IL1RAPL2: variants seen among roughly 807,000 people sequenced by gnomAD.
IL1RAPL2 encodes interleukin 1 receptor accessory protein like 2.
Under a neutral mutation model 44.1 loss-of-function variants are expected in IL1RAPL2, and 3 were observed. That is an observed-to-expected ratio of 0.07 (90% CI 0.03 to 0.18). The LOEUF (loss-of-function observed/expected upper bound fraction) is 0.18, where lower values mean the gene tolerates loss of function less well. Among genes scored for constraint, IL1RAPL2 ranks in the 10% least tolerant of loss-of-function variants. IL1RAPL2 has a pLI of 1.00. For missense variants in IL1RAPL2, 391 were observed against 496.4 expected, an observed-to-expected ratio of 0.79 and a Z score of 2.02; for synonymous variants, 181 against 178.8, an observed-to-expected ratio of 1.01 and a Z score of -0.10.
intron 6 of IL1RAPL2, among the ~76,000 whole-genome samples, chrX:105,648,079 G>A (rs2037618913): frequency 8.9e-6 from 1 of 111,797 alleles, no homozygotes; most frequent in African/African-American, 3.3e-5. Context: ...GAAGAATTAT[G>A]ATAATGTAGG....
At chrX:104,768,390 C>T (rs1406030659) in intron 2 of IL1RAPL2, among the ~76,000 whole-genome samples, 1 of 111,487 alleles carries the variant, frequency 9.0e-6, no homozygotes, top group Non-Finnish European at 1.9e-5. Flanking sequence ...ATGCCTCTCC[C>T]CTATAGTAAT....
At chrX:104,972,785 A>T (rs1451308625) in intron 2 of IL1RAPL2, among the ~76,000 whole-genome samples, 3 of 111,847 alleles carry the variant, frequency 2.7e-5, no homozygotes, top group Non-Finnish European at 5.6e-5. Context: ...AAAGCAATAG[A>T]AAAGAAACAT....
At chrX:105,635,843 T>A (rs1427566757) in intron 6 of IL1RAPL2, among the ~76,000 whole-genome samples, 2 of 111,526 alleles carry the variant, frequency 1.8e-5, no homozygotes, top group African/African-American at 6.5e-5. Context: ...GAGAGGTTTT[T>A]GGCAGAGTAA....
At chrX:104,754,930 C>G (rs1273023150) in intron 2 of IL1RAPL2, among the ~76,000 whole-genome samples, 1 of 111,314 alleles carries the variant, frequency 9.0e-6, no homozygotes, top group Non-Finnish European at 1.9e-5. Context: ...AAGGCCAGAC[C>G]AAGCTGCAGA....
chrX:104,811,185 AG>A (rs1439831206), intron 2 of IL1RAPL2, among the ~76,000 whole-genome samples: 1 of 111,619 alleles, frequency 9.0e-6, no homozygotes, highest in East Asian at 2.8e-4. Flanking sequence ...GAAAAGTAAC[AG>A]AAAAAAAACC....
intron 7 of IL1RAPL2, among the ~76,000 whole-genome samples, chrX:105,731,944 GGACTT>G (rs1341449367): frequency 9.0e-6 from 1 of 111,266 alleles, no homozygotes; most frequent in African/African-American, 3.3e-5. Flanking sequence ...CTGAAAGTGA[GGACTT>G]GAAATATTCT....
chrX:105,669,583 G>A (rs1314294439), intron 6 of IL1RAPL2, among the ~76,000 whole-genome samples: 1 of 111,407 alleles, frequency 9.0e-6, no homozygotes, highest in Non-Finnish European at 1.9e-5. Context: ...ACATGCAGGT[G>A]TAATAAATAA....
intron 6 of IL1RAPL2, among the ~76,000 whole-genome samples, chrX:105,587,910 A>T (rs906722087): frequency 1.8e-5 from 2 of 110,729 alleles, no homozygotes; most frequent in Non-Finnish European, 3.8e-5. Flanking sequence ...ACAGTGGCGC[A>T]TGCCTGTAGT....
intron 2 of IL1RAPL2, among the ~76,000 whole-genome samples, chrX:104,945,418 C>A (rs1925317537): frequency 9.0e-6 from 1 of 110,739 alleles, no homozygotes; most frequent in Non-Finnish European, 1.9e-5. Context: ...TACATTTTTG[C>A]AAAGGTTTCA....
At chrX:105,716,423 A>C (rs1417806297) in intron 6 of IL1RAPL2, among the ~76,000 whole-genome samples, 1 of 111,765 alleles carries the variant, frequency 8.9e-6, no homozygotes, top group Non-Finnish European at 1.9e-5. Flanking sequence ...CCAAGAAAAG[A>C]GCAGTCATTT....
At chrX:104,897,067 A>C (rs190481869) in intron 2 of IL1RAPL2, among the ~76,000 whole-genome samples, 7 of 112,094 alleles carry the variant, frequency 6.2e-5, no homozygotes, top group African/African-American at 1.9e-4. Flanking sequence ...ATGAGAGTCC[A>C]CAGCTTCGTT....
chrX:105,519,633 T>A (rs1009195794), intron 6 of IL1RAPL2, among the ~76,000 whole-genome samples: 1 of 111,072 alleles, frequency 9.0e-6, no homozygotes. Context: ...AATGAAACCA[T>A]TGGTTTGGGT....
intron 7 of IL1RAPL2, among the ~76,000 whole-genome samples, chrX:105,721,946 C>T (rs968225746): frequency 1.8e-5 from 2 of 112,283 alleles, no homozygotes; most frequent in Non-Finnish European, 3.8e-5. Context: ...GCACATACCA[C>T]CATGCCTGGC....
At chrX:105,404,515 G>C (rs1339536051) in intron 5 of IL1RAPL2, among the ~76,000 whole-genome samples, 2 of 111,394 alleles carry the variant, frequency 1.8e-5, no homozygotes, top group Non-Finnish European at 3.8e-5. Context: ...GAAATTTTCT[G>C]TTCTCCCTCC....
At chrX:105,026,363 G>A (rs181038074) in intron 2 of IL1RAPL2, among the ~76,000 whole-genome samples, 3 of 110,104 alleles carry the variant, frequency 2.7e-5, no homozygotes. Flanking sequence ...TTTCCTTTGA[G>A]CATCATGCAG....
intron 6 of IL1RAPL2, among the ~76,000 whole-genome samples, chrX:105,537,158 A>T (rs1254061418): frequency 1.8e-5 from 2 of 111,975 alleles, no homozygotes; most frequent in Non-Finnish European, 1.9e-5. Flanking sequence ...TTAGAGAATG[A>T]ATATTTTTAA....
At position 105,690,375 on chromosome X, in the gene IL1RAPL2, A is replaced by G. The variant is rs780179750; in HGVS notation, c.773-26992A>G. Among the ~76,000 whole-genome samples, 15 of 111,902 alleles carry G rather than the reference A, an allele frequency of 1.3e-4. No homozygotes were observed. The South Asian group carries it at 2.6e-3, about 19-fold the overall frequency. On this transcript the variant is annotated intron_variant, in intron 6 of 10. Transcript: ENST00000372582. ...TTTGCCAGAATAATTATTCTGTTTGATTAAACACAAATTTACATTCTTCAT... is the reference window on the plus strand; with the variant it reads ...TTTGCCAGAATAATTATTCTGTTTGGTTAAACACAAATTTACATTCTTCAT...
At chrX:105,031,765 A>G (rs1422346735) in intron 2 of IL1RAPL2, among the ~76,000 whole-genome samples, 1 of 111,485 alleles carries the variant, frequency 9.0e-6, no homozygotes, top group African/African-American at 3.3e-5. Context: ...TCATAAAATG[A>G]GTAAGGGAGG....
At chrX:104,828,554 G>A (rs1921523269) in intron 2 of IL1RAPL2, among the ~76,000 whole-genome samples, 1 of 106,246 alleles carries the variant, frequency 9.4e-6, no homozygotes, top group Non-Finnish European at 1.9e-5. Flanking sequence ...TCCTGCATGA[G>A]GTGTCTGTCG....
Sources: gnomAD v4.1 joint callset for allele counts (sites outside exome capture counted in the v4.1 genomes callset) on GRCh38, gnomAD v4.1.1 for gene constraint, MANE v1.5 for transcripts, NCBI Gene and HGNC (gene_info 2026-07-23, HGNC 2026-07-21) for gene names.